Variants in NEMP2 observed in about 807,000 individuals in gnomAD.
The protein encoded by NEMP2 is nuclear envelope integral membrane protein 2.
Under a neutral mutation model 54.2 loss-of-function variants are expected in NEMP2, and 53 were observed. The ratio of observed to expected loss-of-function variants is 0.98; its 90% confidence interval spans 0.78 to 1.23. The LOEUF (loss-of-function observed/expected upper bound fraction) is 1.23. Ranked by LOEUF, NEMP2 falls within the 50% of genes most tolerant of loss-of-function variation. The pLI is 0.00. For synonymous variants in NEMP2, 197 were observed against 190.3 expected, an observed-to-expected ratio of 1.04 and a Z score of -0.29; for missense variants, 455 against 511.3, an observed-to-expected ratio of 0.89 and a Z score of 1.06.
the NEMP2 span, among the ~76,000 whole-genome samples, chr2:190,581,321 A>G: frequency 1.3e-5 from 2 of 152,212 alleles, no homozygotes; most frequent in Non-Finnish European, 2.9e-5. Flanking sequence ...TTGGAATGGA[A>G]AAAAATATAA....
At chr2:190,448,789 A>G in the NEMP2 span, among the ~76,000 whole-genome samples, 1 of 152,180 alleles carries the variant, frequency 6.6e-6, no homozygotes, top group Non-Finnish European at 1.5e-5. Context: ...TTTTTCTTTA[A>G]GGAAATAATG....
chr2:190,548,338 C>T, the NEMP2 span, among the ~76,000 whole-genome samples: 1 of 152,184 alleles, frequency 6.6e-6, no homozygotes, highest in East Asian at 1.9e-4. Flanking sequence ...TTAGAATAGG[C>T]CAAGGAAAAT....
chr2:190,437,810 C>T, the NEMP2 span, among the ~76,000 whole-genome samples: 1 of 152,142 alleles, frequency 6.6e-6, no homozygotes, highest in East Asian at 1.9e-4. This position sits in a 1 kb window ranked among gnomAD's most constrained non-coding sequence, Gnocchi z 5.9. Context: ...CAGAAAAGAC[C>T]TATAGGCTAC....
chr2:190,516,828 C>T lies in NEMP2; in HGVS notation c.613-444G>A, dbSNP rs59765171. ...AGGTGTAGCCGGGCACGGTGGCTCACGCCTGTATTTGCAGCTCTTTGGGAG... is the reference window on the plus strand; with the variant it reads ...AGGTGTAGCCGGGCACGGTGGCTCATGCCTGTATTTGCAGCTCTTTGGGAG... On this transcript the variant is annotated intron_variant, in intron 5 of 8. Transcript: ENST00000409150. Among the ~76,000 whole-genome samples, 698 of 152,264 alleles carry T rather than the reference C, an allele frequency of 4.6e-3. 10 individuals carry two copies. Among genetic ancestry groups the T allele is most frequent in the African/African-American group, 0.016 (652 of 41,552 alleles).
At chr2:190,547,372 G>T in the NEMP2 span, among the ~76,000 whole-genome samples, 1 of 152,124 alleles carries the variant, frequency 6.6e-6, no homozygotes, top group African/African-American at 2.4e-5. This position sits in a 1 kb window ranked among gnomAD's most constrained non-coding sequence, Gnocchi z 6.2. Flanking sequence ...TTTGACAAAT[G>T]TATTTTCTAT....
At chr2:190,422,861 G>T in the NEMP2 span, among the ~76,000 whole-genome samples, 1 of 151,686 alleles carries the variant, frequency 6.6e-6, no homozygotes, top group South Asian at 2.1e-4. Flanking sequence ...TGCTATATCT[G>T]TCTCATTTTT....
chr2:190,560,885 G>A, the NEMP2 span, among the ~76,000 whole-genome samples: 2 of 152,068 alleles, frequency 1.3e-5, no homozygotes, highest in African/African-American at 4.8e-5. The surrounding 1 kb of genome is among the most constrained non-coding windows in gnomAD (Gnocchi z 5.4). Flanking sequence ...TATATCTCAG[G>A]TTACTTTTAA....
the NEMP2 span, among the ~76,000 whole-genome samples, chr2:190,558,376 C>T: frequency 6.6e-6 from 1 of 152,068 alleles, no homozygotes. This position sits in a 1 kb window ranked among gnomAD's most constrained non-coding sequence, Gnocchi z 4.4. Flanking sequence ...ATGTAGATGA[C>T]GGGTTGATGG....
downstream of NEMP2, chr2:190,502,000 G>A (rs1574279834): frequency 6.6e-6 from 1 of 152,612 alleles, no homozygotes; most frequent in East Asian, 1.9e-4. Context: ...TTACAGTTCT[G>A]ATTTATTCCT....
At chr2:190,458,445 C>G in the NEMP2 span, among the ~76,000 whole-genome samples, 1 of 142,818 alleles carries the variant, frequency 7.0e-6, no homozygotes, top group African/African-American at 2.5e-5. This position sits in a 1 kb window ranked among gnomAD's most constrained non-coding sequence, Gnocchi z 5.3. Context: ...ACCAACATTG[C>G]CAACACCTTG....
the NEMP2 span, among the ~76,000 whole-genome samples, chr2:190,430,844 C>A: frequency 6.8e-6 from 1 of 146,194 alleles, no homozygotes; most frequent in Non-Finnish European, 1.5e-5. Context: ...CGGGCGGGGG[C>A]TGACCCCCCA....
chr2:190,472,565 C>T, the NEMP2 span, among the ~76,000 whole-genome samples: 1 of 152,136 alleles, frequency 6.6e-6, no homozygotes. Context: ...CGAACAAAGC[C>T]TCCAAGAAAT....
downstream of NEMP2, among the ~76,000 whole-genome samples, chr2:190,503,344 CTATT>C (rs1314384288): frequency 6.6e-6 from 1 of 152,196 alleles, no homozygotes; most frequent in Non-Finnish European, 1.5e-5. This position sits in a 1 kb window ranked among gnomAD's most constrained non-coding sequence, Gnocchi z 6.3. Flanking sequence ...GGGAAGTTCT[CTATT>C]TACACTGTCC....
the NEMP2 span, among the ~76,000 whole-genome samples, chr2:190,548,969 G>A: frequency 2.6e-5 from 4 of 152,262 alleles, no homozygotes; most frequent in Admixed American, 6.5e-5. Context: ...TACATCCATA[G>A]ACACTATATT....
the NEMP2 span, among the ~76,000 whole-genome samples, chr2:190,584,912 AAAG>A: frequency 1.4e-5 from 1 of 69,750 alleles, no homozygotes. The surrounding 1 kb of genome is among the most constrained non-coding windows in gnomAD (Gnocchi z 4.2). Flanking sequence ...AGAAAGAAAG[AAAG>A]AAAGAAAGAA....
At chr2:190,544,461 A>G in the NEMP2 span, among the ~76,000 whole-genome samples, 3 of 152,136 alleles carry the variant, frequency 2.0e-5, no homozygotes, top group East Asian at 5.8e-4. Flanking sequence ...AAGTTGAGAG[A>G]TGTGGAATTT....
chr2:190,564,442 C>A, the NEMP2 span, among the ~76,000 whole-genome samples: 1 of 152,134 alleles, frequency 6.6e-6, no homozygotes. This position sits in a 1 kb window ranked among gnomAD's most constrained non-coding sequence, Gnocchi z 4.2. Context: ...TTATATGTAC[C>A]AGTCTTTTAC....
At chr2:190,437,118 C>G in the NEMP2 span, 7 of 1,614,120 alleles carry the variant, frequency 4.3e-6, no homozygotes, top group African/African-American at 1.3e-5. The surrounding 1 kb of genome is among the most constrained non-coding windows in gnomAD (Gnocchi z 5.9). Flanking sequence ...GTAAGCCCCC[C>G]GAGTACAGGA....
the NEMP2 span, among the ~76,000 whole-genome samples, chr2:190,455,606 C>T: frequency 6.6e-6 from 1 of 152,068 alleles, no homozygotes; most frequent in Non-Finnish European, 1.5e-5. Context: ...GCTTATCCTT[C>T]CTGTTTCAGA....
Sources: gnomAD v4.1 joint callset for allele counts (sites outside exome capture counted in the v4.1 genomes callset) on GRCh38, gnomAD v4.1.1 for gene constraint, Gnocchi (gnomAD v3.1) non-coding constraint, MANE v1.5 for transcripts, NCBI Gene and HGNC (gene_info 2026-07-23, HGNC 2026-07-21) for gene names.